TCP11L1: variants seen among roughly 807,000 people sequenced by gnomAD.
The protein encoded by TCP11L1 is t-complex 11 like 1.
Under a neutral mutation model 48.9 loss-of-function variants are expected in TCP11L1, and 28 were observed. The observed-to-expected ratio is 0.57, with a 90% confidence interval of 0.42 to 0.78. The LOEUF (loss-of-function observed/expected upper bound fraction) is 0.78, where lower values mean the gene tolerates loss of function less well. Ranked by LOEUF, TCP11L1 falls within the 30% of genes least tolerant of loss-of-function variation. TCP11L1 has a pLI of 0.00. For missense variants in TCP11L1, 505 were observed against 613.4 expected (o/e 0.82, Z 1.87); for synonymous variants, 204 against 231.9 (o/e 0.88, Z 1.09).
Position 33,057,189 on chromosome 11 carries a change from C to T in TCP11L1, c.371C>T (p.Pro124Leu). The change falls in exon 4 of 10, where the codon CCC (proline) becomes CTC (leucine). Residue 124 changes from proline (P) to leucine (L), a missense_variant. By Grantham distance (98) the Pro-to-Leu change is moderately conservative. Coordinates refer to ENST00000334274, the MANE Select transcript of TCP11L1 (RefSeq NM_018393.4). Reference protein sequence around the residue: ...DCLSVQLSEDPPAYDHAIKLV... With the variant: ...DCLSVQLSEDLPAYDHAIKLV... Reference sequence around the variant, plus strand: ...TTGAGTGTGCAGCTAAGTGAAGATCCCCCAGCATATGACCATGCTATCAAA... The same window carrying T: ...TTGAGTGTGCAGCTAAGTGAAGATCTCCCAGCATATGACCATGCTATCAAA... The T allele has an allele frequency of 1.2e-6, 2 of 1,613,828 alleles. No homozygotes were observed. Among genetic ancestry groups the T allele is most frequent in the East Asian group, 2.2e-5 (1 of 44,858 alleles).
chr11:33,057,011 G>T, intron 3 of TCP11L1, 104 bp from the exon 4 acceptor site: 1 of 1,475,646 alleles, frequency 6.8e-7, no homozygotes. Context: ...CAAATCACTG[G>T]GATTGATCTT....
At chr11:33,041,105 AG>A (rs1422618799) in intron 1 of TCP11L1, 1 of 152,202 alleles carries the variant, frequency 6.6e-6, no homozygotes, top group Non-Finnish European at 1.5e-5. Flanking sequence ...ATCACTGGTG[AG>A]GTCCGGGAAG....
chr11:33,072,560 G>C lies in TCP11L1; in HGVS notation c.1414G>C (p.Val472Leu). The C allele has an allele frequency of 6.2e-7, 1 of 1,614,172 alleles. No individual in the cohort carries two copies. The highest frequency in any genetic ancestry group is 8.5e-7 in the Non-Finnish European group (1 of 1,180,034). ...CACAGTCCCTGGGGGACTCAGTCCA[G>C]TTCAGAGAGAGCTGGAGGAAGTTGC... ...LPTVPGGLSP[V>L]QRELEEVAIK... Residue 472 changes from valine to leucine, a missense_variant, in exon 10 of 10, where the codon GTT becomes CTT. Transcript: ENST00000334274.
Position 33,057,158 on chromosome 11 carries a change from G to A in TCP11L1, c.340G>A (p.Asp114Asn), listed in dbSNP as rs1288330164. 4 of 1,614,030 alleles carry A rather than the reference G, an allele frequency of 2.5e-6. No individual in the cohort carries two copies. The highest frequency in any genetic ancestry group is 3.4e-6 in the Non-Finnish European group (4 of 1,179,990). Residue 114 changes from aspartate to asparagine, a missense_variant, in exon 4 of 10, where the codon GAT becomes AAT. Transcript: ENST00000334274. ...VKEIVHKAFWDCLSVQLSEDP... is the reference protein window; with the variant it reads ...VKEIVHKAFWNCLSVQLSEDP... ...GGAGATTGTACATAAAGCGTTTTGG[G>A]ATTGCTTGAGTGTGCAGCTAAGTGA... is the stretch of plus-strand genomic sequence containing the variant.
intron 9 of TCP11L1, among the ~76,000 whole-genome samples, chr11:33,070,576 T>C (rs983591670): frequency 2.6e-5 from 4 of 151,604 alleles, no homozygotes; most frequent in African/African-American, 7.3e-5. Flanking sequence ...TGCTAGCTAC[T>C]TGAGAGGCTG....
intron 7 of TCP11L1, 33 bp downstream of exon 7, chr11:33,061,759 T>A (rs1854474603): frequency 3.9e-6 from 6 of 1,543,060 alleles, no homozygotes; most frequent in Non-Finnish European, 5.3e-6. Flanking sequence ...CTACTCATAT[T>A]TGTTTTTGTG....
At position 33,072,842 on chromosome 11, in the gene TCP11L1, T is replaced by C; in HGVS notation, c.*166T>C. On this transcript the variant is annotated 3_prime_UTR_variant, in exon 10 of 10. Coordinates refer to ENST00000334274, the MANE Select transcript of TCP11L1 (RefSeq NM_018393.4). ...ACTGTTGAAAAGACTTGTTGAGAAA[T>C]CCACTGAATTCTATTTTGAGAGATT... 1 of 710,448 alleles carries C rather than the reference T, an allele frequency of 1.4e-6. No homozygotes were observed. The highest frequency in any genetic ancestry group is 1.9e-5 in the South Asian group (1 of 53,520). 44.0% of individuals were successfully genotyped at this position (710,448 alleles called of 1,614,324 possible). A position where few individuals can be genotyped will look rare whatever the true frequency, so the allele number is the denominator to read the frequency against.
chr11:33,071,266 A>G (rs1003671900), intron 9 of TCP11L1, among the ~76,000 whole-genome samples: 1 of 152,064 alleles, frequency 6.6e-6, no homozygotes, highest in African/African-American at 2.4e-5. Flanking sequence ...GTGAGCTGAG[A>G]TTGTGCCACT....
chr11:33,065,919 C>T lies in TCP11L1; in HGVS notation c.1062C>T (p.Phe354=), dbSNP rs374878026. 6.2e-7 allele frequency: 1 copy of T among 1,614,232 alleles called. No individual in the cohort carries two copies. Among genetic ancestry groups the T allele is most frequent in the Non-Finnish European group, 8.5e-7 (1 of 1,180,016 alleles). Residue 354 remains phenylalanine (F), a synonymous_variant, in exon 8 of 10, where the codon TTC becomes TTT. Transcript: ENST00000334274. The part of the protein sequence containing the change: ...TILGAVLLVT[F]SMAAPGISSQ... ...TGGGGGCTGTGTTGCTGGTCACCTT[C>T]AGCATGGCAGCGCCAGGAATTTCCA... is the stretch of plus-strand genomic sequence containing the variant.
At chr11:33,047,473 C>A (rs970311979) in intron 2 of TCP11L1, among the ~76,000 whole-genome samples, 1 of 152,146 alleles carries the variant, frequency 6.6e-6, no homozygotes, top group Admixed American at 6.5e-5. Flanking sequence ...CCTAGTTGAC[C>A]AGTAAAAGAT....
At chr11:33,048,722 T>A in intron 2 of TCP11L1, among the ~76,000 whole-genome samples, 1 of 152,316 alleles carries the variant, frequency 6.6e-6, no homozygotes, top group Admixed American at 6.5e-5. Flanking sequence ...ACACTGAGAA[T>A]GCACTTGTTT....
intron 9 of TCP11L1, among the ~76,000 whole-genome samples, chr11:33,072,122 G>A (rs1190050398): frequency 6.6e-6 from 1 of 152,058 alleles, no homozygotes; most frequent in African/African-American, 2.4e-5. Context: ...GGGATTACAG[G>A]CGTGAGCCAC....
chr11:33,057,221 G>A lies in TCP11L1; in HGVS notation c.403G>A (p.Gly135Arg), dbSNP rs1381640428. 1.2e-6 allele frequency: 2 copies of A among 1,614,074 alleles called. No individual in the cohort carries two copies. The highest frequency in any genetic ancestry group is 8.5e-7 in the Non-Finnish European group (1 of 1,180,006). Residue 135 changes from glycine (G) to arginine (R), a missense_variant, in exon 4 of 10, where the codon GGA becomes AGA. By Grantham distance (125) the Gly-to-Arg change is moderately radical. Coordinates refer to ENST00000334274, the MANE Select transcript of TCP11L1 (RefSeq NM_018393.4). The part of the protein sequence containing the change: ...PAYDHAIKLV[G>R]EIKETLLSFL... ...ATATGACCATGCTATCAAACTTGTA[G>A]GAGAAATCAAAGAGGTGAGGCAAAG...
At chr11:33,068,960 G>A (rs890945129) in intron 9 of TCP11L1, 101 bp downstream of exon 9, 3 of 1,409,962 alleles carry the variant, frequency 2.1e-6, no homozygotes, top group Admixed American at 4.4e-5. Context: ...TTAAGGTGCT[G>A]ATGGGTGAGG....
chr11:33,060,029 T>A (rs1348884732), intron 6 of TCP11L1, among the ~76,000 whole-genome samples: 1 of 152,118 alleles, frequency 6.6e-6, no homozygotes, highest in Non-Finnish European at 1.5e-5. Flanking sequence ...TTTGGGAGAT[T>A]TTTGACCAGA....
At chr11:33,046,048 A>G (rs1564974266) in intron 2 of TCP11L1, among the ~76,000 whole-genome samples, 2 of 152,262 alleles carry the variant, frequency 1.3e-5, no homozygotes, top group Admixed American at 6.5e-5. Flanking sequence ...GACACATTCC[A>G]GAGGCCACGC....
intron 9 of TCP11L1, among the ~76,000 whole-genome samples, chr11:33,069,984 C>T (rs527630372): frequency 6.6e-6 from 1 of 152,278 alleles, no homozygotes; most frequent in Admixed American, 6.5e-5. Flanking sequence ...AGTTGCTACT[C>T]ATCCTGCTGC....
At chr11:33,050,954 C>T (rs1806261871) in intron 2 of TCP11L1, among the ~76,000 whole-genome samples, 3 of 152,004 alleles carry the variant, frequency 2.0e-5, no homozygotes, top group South Asian at 4.1e-4. Flanking sequence ...GCTGAGACTA[C>T]AGGAGCATGC....
At chr11:33,069,473 ATAT>A (rs144536089) in intron 9 of TCP11L1, among the ~76,000 whole-genome samples, 76 of 152,172 alleles carry the variant, frequency 5.0e-4, no homozygotes, top group South Asian at 2.7e-3. Flanking sequence ...ATATTCTATA[ATAT>A]TAGCTATTAG....
Sources: gnomAD v4.1 joint callset for allele counts (sites outside exome capture counted in the v4.1 genomes callset) on GRCh38, gnomAD v4.1.1 for gene constraint, MANE v1.5 for transcripts, NCBI Gene and HGNC (gene_info 2026-07-23, HGNC 2026-07-21) for gene names.